SLC23A2: variants seen among roughly 807,000 people sequenced by gnomAD.
SLC23A2 encodes Na(+)/L-ascorbic acid transporter 2.
Under a neutral mutation model 73.3 loss-of-function variants are expected in SLC23A2, and 36 were observed. The ratio of observed to expected loss-of-function variants is 0.49; its 90% CI spans 0.38 to 0.65. The LOEUF (loss-of-function observed/expected upper bound fraction) is 0.65, where lower values mean the gene tolerates loss of function less well. Among genes scored for constraint, SLC23A2 ranks in the 30% least tolerant of loss-of-function variants. The probability of loss-of-function intolerance (pLI) is 0.00; values close to 1 mark genes in which losing one functional copy is unlikely to be tolerated. For synonymous variants in SLC23A2, 343 were observed against 327.3 expected (o/e 1.05, Z -0.52); for missense variants, 507 against 841.6 (o/e 0.60, Z 4.92).
chr20:4,993,071 G>A (rs1216765258), intron 1 of SLC23A2, among the ~76,000 whole-genome samples: 1 of 151,702 alleles, frequency 6.6e-6, no homozygotes, highest in South Asian at 2.1e-4. Flanking sequence ...GAGGTCAGGA[G>A]ATCGAGCCCA....
At chr20:4,933,330 G>A (rs896711750) in intron 2 of SLC23A2, among the ~76,000 whole-genome samples, 4 of 152,160 alleles carry the variant, frequency 2.6e-5, no homozygotes, top group East Asian at 1.9e-4. Context: ...GTTGCCAGGC[G>A]CAGTGGCTCA....
intron 1 of SLC23A2, 53 bp from the exon 2 acceptor site, chr20:4,970,972 A>C (rs1161797920): frequency 1.3e-5 from 2 of 152,098 alleles, no homozygotes; most frequent in Non-Finnish European, 2.9e-5. Flanking sequence ...AGCAGGAGGT[A>C]CTCTGCATGA....
intron 1 of SLC23A2, among the ~76,000 whole-genome samples, chr20:4,994,869 G>C (rs1007782550): frequency 1.1e-4 from 17 of 152,232 alleles, no homozygotes; most frequent in African/African-American, 4.1e-4. Context: ...AGGAGGTGGA[G>C]GTTGCAGTGA....
rs115178168 is a variant in SLC23A2, at chr20:4,932,373, G to A, written c.108+82C>T. On this transcript the variant is annotated intron_variant, in intron 3 of 16. Coordinates refer to ENST00000338244, the MANE Select transcript of SLC23A2 (RefSeq NM_005116.6). The stretch of plus-strand genomic sequence containing the variant: ...GCCTTAACCTTCACTGAAAACATGA[G>A]CATTAAAGCCAATCCTATGTTGATT... 6.3e-4 allele frequency: 527 copies of A among 837,988 alleles called. 6 individuals carry two copies. The African/African-American group carries it at 8.1e-3, about 13-fold the overall frequency. 51.9% of individuals were successfully genotyped at this position (837,988 alleles called of 1,614,324 possible).
At chr20:4,891,259 G>A (rs1931321217) in intron 6 of SLC23A2, among the ~76,000 whole-genome samples, 1 of 152,178 alleles carries the variant, frequency 6.6e-6, no homozygotes, top group Non-Finnish European at 1.5e-5. Context: ...GAAGAAGAAA[G>A]GTTGTAGAAA....
intron 1 of SLC23A2, among the ~76,000 whole-genome samples, chr20:4,992,286 G>C (rs1399008685): frequency 6.6e-6 from 1 of 152,140 alleles, no homozygotes; most frequent in African/African-American, 2.4e-5. Context: ...TTCAGCATAT[G>C]ATTAAGGTGT....
intron 1 of SLC23A2, among the ~76,000 whole-genome samples, chr20:4,977,410 TG>T (rs1166932687): frequency 6.6e-6 from 1 of 151,996 alleles, no homozygotes; most frequent in Non-Finnish European, 1.5e-5. Context: ...GCTCTCAAGC[TG>T]GGCACCGTGG....
At chr20:4,996,417 G>C (rs917574905) in intron 1 of SLC23A2, among the ~76,000 whole-genome samples, 3 of 152,058 alleles carry the variant, frequency 2.0e-5, no homozygotes, top group African/African-American at 7.3e-5. Context: ...GCCAGGCACG[G>C]TGGCTCATGC....
rs756473711 is a variant in SLC23A2 at position 4,867,854 on chromosome 20, G to A, written c.1272C>T (p.Leu424=). 3 of 1,607,946 alleles carry A rather than the reference G, an allele frequency of 1.9e-6. No individual in the cohort carries two copies. Among genetic ancestry groups the A allele is most frequent in the South Asian group, 1.1e-5 (1 of 90,926 alleles). The stretch of plus-strand genomic sequence containing the variant: ...CAAATATGCCATCAAGAACACAGGA[G>A]AGGCCTTCCACGAAAATTCCCCTAA... The part of the protein sequence containing the change: ...AINRGIFVEG[L]SCVLDGIFGT... Residue 424 remains leucine, a synonymous_variant, in exon 13 of 17, where the codon CTC becomes CTT. Coordinates refer to ENST00000338244, the MANE Select transcript of SLC23A2 (RefSeq NM_005116.6).
intron 2 of SLC23A2, among the ~76,000 whole-genome samples, chr20:4,969,329 TCCG>T (rs2087526438): frequency 6.6e-6 from 1 of 151,948 alleles, no homozygotes; most frequent in African/African-American, 2.4e-5. Context: ...CCTCAGGTGA[TCCG>T]CCCGCCTCAG....
chr20:4,896,313 C>A (rs150101400), intron 6 of SLC23A2, among the ~76,000 whole-genome samples: 1 of 152,092 alleles, frequency 6.6e-6, no homozygotes, highest in Non-Finnish European at 1.5e-5. Flanking sequence ...GGTCTGAGGC[C>A]GTGCGGAGCA....
chr20:4,898,711 G>C (rs1931638941), intron 6 of SLC23A2, among the ~76,000 whole-genome samples: 1 of 152,200 alleles, frequency 6.6e-6, no homozygotes, highest in Non-Finnish European at 1.5e-5. Flanking sequence ...TCCTGTGCCA[G>C]CTCCACGTCC....
At chr20:4,914,313 T>C (rs1299175218) in intron 3 of SLC23A2, among the ~76,000 whole-genome samples, 2 of 152,154 alleles carry the variant, frequency 1.3e-5, no homozygotes, top group East Asian at 1.9e-4. Context: ...ATATCATTCA[T>C]AGAAGAAAAA....
At position 4,853,784 on chromosome 20, in the gene SLC23A2, CA is replaced by C. The variant is rs1929612906; in HGVS notation, c.*3187del. 1 of 152,380 alleles carries C rather than the reference CA, an allele frequency of 6.6e-6. No individual in the cohort carries two copies. Among genetic ancestry groups the C allele is most frequent in the South Asian group, 2.1e-4 (1 of 4,836 alleles). The allele number at this position is 152,380 out of a possible 1,614,324, so 9.4% of individuals were successfully genotyped here. On this transcript the variant is annotated 3_prime_UTR_variant, in exon 17 of 17. Transcript: ENST00000338244. Reference sequence around the variant, plus strand: ...TCATTCTGGCTGGCATGGTTAAAGCCACTTCTCTTGCCTTGATCAATCCCAA... The same window carrying C: ...TCATTCTGGCTGGCATGGTTAAAGCCCTTCTCTTGCCTTGATCAATCCCAA...
intron 4 of SLC23A2, among the ~76,000 whole-genome samples, chr20:4,910,822 A>T (rs932694282): frequency 1.3e-5 from 2 of 152,210 alleles, no homozygotes; most frequent in African/African-American, 4.8e-5. Flanking sequence ...AAATATTAAG[A>T]TACTCCATTT....
rs2122763756 is a variant in SLC23A2 at position 4,856,996 on chromosome 20, A to G, written c.1929T>C (p.Asp643=). ...GCTATCCCGTGGCCTGGGAGTCTTC[A>G]TCTGAACTCCGGCTGTTGTCGCTCT... The part of the protein sequence containing the change: ...LRKSDNSRSS[D]EDSQATG Residue 643 remains aspartate, a synonymous_variant, in exon 17 of 17, where the codon GAT becomes GAC. Coordinates refer to ENST00000338244, the MANE Select transcript of SLC23A2 (RefSeq NM_005116.6). This position sits in a 1 kb window ranked among gnomAD's most constrained non-coding sequence, Gnocchi z 4.6. 1 of 1,614,026 alleles carries G rather than the reference A, an allele frequency of 6.2e-7. No homozygotes were observed. Among genetic ancestry groups the G allele is most frequent in the Non-Finnish European group, 8.5e-7 (1 of 1,179,946 alleles).
At chr20:4,867,534 T>C (rs1015376908) in intron 13 of SLC23A2, among the ~76,000 whole-genome samples, 1 of 150,180 alleles carries the variant, frequency 6.7e-6, no homozygotes, top group Non-Finnish European at 1.5e-5. Flanking sequence ...TTTATAAATA[T>C]CTATACTGCA....
chr20:4,954,277 AG>A (rs2087248027), intron 2 of SLC23A2, among the ~76,000 whole-genome samples: 1 of 152,210 alleles, frequency 6.6e-6, no homozygotes. Flanking sequence ...AAAATGAATA[AG>A]GCTAATATAA....
At chr20:4,945,834 C>T (rs929951640) in intron 2 of SLC23A2, among the ~76,000 whole-genome samples, 6 of 152,030 alleles carry the variant, frequency 3.9e-5, no homozygotes, top group Admixed American at 6.6e-5. Context: ...TCCAAGTGCC[C>T]GACTTAAATC....
Sources: allele counts gnomAD v4.1 joint callset (sites outside exome capture counted in the v4.1 genomes callset), GRCh38; gene constraint gnomAD v4.1.1; non-coding constraint Gnocchi (gnomAD v3.1); transcripts MANE v1.5; gene names NCBI Gene and HGNC (gene_info 2026-07-23, HGNC 2026-07-21).